ARMC10: variants seen among roughly 807,000 people sequenced by gnomAD.
ARMC10 encodes armadillo repeat-containing protein 10.
In ARMC10, 23 loss-of-function variants were observed where a neutral mutation model predicts 30.2. That is an observed-to-expected ratio of 0.76 (90% CI 0.55 to 1.08). The LOEUF (loss-of-function observed/expected upper bound fraction) is 1.08, where lower values mean the gene tolerates loss of function less well. Ranked by LOEUF, ARMC10 falls within the 50% of genes least tolerant of loss-of-function variation. The pLI is 0.00. For missense variants in ARMC10, 303 were observed against 413.7 expected (o/e 0.73, Z 2.32); for synonymous variants, 111 against 164.4 (o/e 0.68, Z 2.48).
intron 2 of ARMC10, among the ~76,000 whole-genome samples, chr7:103,077,889 C>G (rs1326525684): frequency 6.6e-6 from 1 of 152,210 alleles, no homozygotes; most frequent in Non-Finnish European, 1.5e-5. Flanking sequence ...AAATAATTTG[C>G]TCACAGTCCC....
chr7:103,094,017 ATTTT>A (rs1801563624), intron 5 of ARMC10, among the ~76,000 whole-genome samples: 1 of 152,222 alleles, frequency 6.6e-6, no homozygotes, highest in Non-Finnish European at 1.5e-5. Context: ...TACAACATTG[ATTTT>A]CCATAAAAAT....
rs1799599032 is a variant in ARMC10, at chr7:103,075,312, C to T, written c.40C>T (p.Leu14=). 2 of 1,235,072 alleles carry T rather than the reference C, an allele frequency of 1.6e-6. No homozygotes were observed. Among genetic ancestry groups the T allele is most frequent in the Non-Finnish European group, 2.0e-6 (2 of 989,036 alleles). 76.5% of individuals were successfully genotyped at this position (1,235,072 alleles called of 1,614,324 possible). Residue 14 remains leucine (L), a synonymous_variant, in exon 1 of 7, where the codon CTG becomes TTG. Transcript: ENST00000323716. ...PRGAGWVAAG[L]LLGAGACYCI... ...GGGCGCGGGCTGGGTGGCGGCGGGC[C>T]TGCTGCTCGGCGCGGGCGCCTGCTA...
intron 4 of ARMC10, among the ~76,000 whole-genome samples, chr7:103,088,189 C>T (rs796097236): frequency 9.2e-5 from 14 of 152,248 alleles, no homozygotes; most frequent in African/African-American, 3.4e-4. Context: ...TGCCCTTCCA[C>T]AAGACGTATA....
At chr7:103,096,974 G>C (rs1801809696) in intron 5 of ARMC10, 1 of 372,526 alleles carries the variant, frequency 2.7e-6, no homozygotes, top group South Asian at 7.3e-5. Flanking sequence ...AGTTCTCTAA[G>C]AGTGGTACAA....
chr7:103,076,006 C>A, intron 2 of ARMC10, 125 bp downstream of exon 2: 1 of 580,348 alleles, frequency 1.7e-6, no homozygotes. Context: ...GCATGTTTCA[C>A]ATCATGGAAG....
chr7:103,086,804 TAAATA>T (rs1190080819), intron 4 of ARMC10, 40 bp downstream of exon 4: 3 of 1,583,592 alleles, frequency 1.9e-6, no homozygotes, highest in Non-Finnish European at 2.6e-6. Context: ...AGGTTTTCTA[TAAATA>T]AAAAATAACA....
chr7:103,086,774 C>G lies in ARMC10; in HGVS notation c.528+10C>G. On this transcript the variant is annotated intron_variant, in intron 4 of 6. Coordinates refer to ENST00000323716, the MANE Select transcript of ARMC10 (RefSeq NM_031905.5). ...TCAAATCAAGATAAAGGTAAGTTGACTGAAAATCACAAATGTATAAGGTTT... is the reference window on the plus strand; with the variant it reads ...TCAAATCAAGATAAAGGTAAGTTGAGTGAAAATCACAAATGTATAAGGTTT... 6.3e-7 allele frequency: 1 copy of G among 1,585,902 alleles called. No individual in the cohort carries two copies. Among genetic ancestry groups the G allele is most frequent in the Non-Finnish European group, 8.5e-7 (1 of 1,171,722 alleles).
intron 3 of ARMC10, among the ~76,000 whole-genome samples, chr7:103,084,535 C>G (rs916736419): frequency 6.6e-6 from 1 of 152,126 alleles, no homozygotes; most frequent in African/African-American, 2.4e-5. Flanking sequence ...TGTACTCTTT[C>G]AGTTATAAAT....
At chr7:103,087,216 C>T (rs1800937660) in intron 4 of ARMC10, among the ~76,000 whole-genome samples, 1 of 152,182 alleles carries the variant, frequency 6.6e-6, no homozygotes, top group Admixed American at 6.5e-5. Context: ...ATTAAGTGTA[C>T]TGTATGAGTG....
intron 2 of ARMC10, among the ~76,000 whole-genome samples, chr7:103,076,891 AGTTTT>A (rs1200585883): frequency 1.3e-5 from 2 of 152,110 alleles, no homozygotes; most frequent in African/African-American, 4.8e-5. Flanking sequence ...CAGAAAAAGG[AGTTTT>A]GTTTTGTTTT....
intron 5 of ARMC10, among the ~76,000 whole-genome samples, chr7:103,095,431 T>C (rs1801681269): frequency 1.3e-5 from 2 of 152,246 alleles, no homozygotes; most frequent in Non-Finnish European, 2.9e-5. Context: ...TTTCTGGTTA[T>C]GTAAATACGG....
chr7:103,096,912 GA>G (rs1343539162), intron 5 of ARMC10: 1 of 238,514 alleles, frequency 4.2e-6, no homozygotes, highest in Non-Finnish European at 8.2e-6. Context: ...TTATAATTGG[GA>G]AAAATTAGGT....
At chr7:103,082,329 T>TTG (rs1225189139) in intron 2 of ARMC10, among the ~76,000 whole-genome samples, 19 of 151,562 alleles carry the variant, frequency 1.3e-4, no homozygotes, top group South Asian at 2.1e-4. Context: ...TTATTTATTT[T>TTG]TGTGTGTGTG....
intron 1 of ARMC10, 150 bp from the exon 2 acceptor site, chr7:103,075,627 C>A: frequency 1.2e-6 from 1 of 852,080 alleles, no homozygotes; most frequent in Non-Finnish European, 1.7e-6. Context: ...CTGAGCTCCG[C>A]GTCACAGCGG....
Position 103,098,279 on chromosome 7 carries a change from CTCAT to C in ARMC10, c.778-18_778-15del. The C allele has an allele frequency of 7.1e-7, 1 of 1,415,008 alleles. No homozygotes were observed. The highest frequency in any genetic ancestry group is 9.2e-7 in the Non-Finnish European group (1 of 1,081,500). The allele number at this position is 1,415,008 out of a possible 1,614,324, so 87.7% of individuals were successfully genotyped here. A position where few individuals can be genotyped will look rare whatever the true frequency, so the allele number is the denominator to read the frequency against. On this transcript the variant is annotated splice_polypyrimidine_tract_variant and intron_variant, in intron 6 of 6. Coordinates refer to ENST00000323716, the MANE Select transcript of ARMC10 (RefSeq NM_031905.5). ...CATATATTATTAATATAAAATAATA[CTCAT>C]TGTTTCATATTTCAGGTGGATTCAT...
intron 2 of ARMC10, among the ~76,000 whole-genome samples, chr7:103,079,646 A>G (rs1339829852): frequency 6.6e-6 from 1 of 152,242 alleles, no homozygotes; most frequent in African/African-American, 2.4e-5. Context: ...CAAGAGAATT[A>G]ACTAACTACT....
intron 4 of ARMC10, among the ~76,000 whole-genome samples, chr7:103,090,728 T>TAAAAAA (rs34277044): frequency 1.4e-5 from 2 of 140,906 alleles, no homozygotes; most frequent in African/African-American, 5.5e-5. Context: ...AACCCATTTC[T>TAAAAAA]AAAAAAAAAA....
chr7:103,096,395 C>T (rs1801762944), intron 5 of ARMC10: 1 of 152,112 alleles, frequency 6.6e-6, no homozygotes, highest in African/African-American at 2.4e-5. Context: ...TTGTAAAACA[C>T]TTTCACATTA....
At chr7:103,076,611 C>T (rs1016513378) in intron 2 of ARMC10, among the ~76,000 whole-genome samples, 4 of 152,148 alleles carry the variant, frequency 2.6e-5, no homozygotes, top group Admixed American at 6.5e-5. Flanking sequence ...CCAAGGCAGG[C>T]GGATCATGTG....
Sources: allele counts gnomAD v4.1 joint callset (sites outside exome capture counted in the v4.1 genomes callset), GRCh38; gene constraint gnomAD v4.1.1; transcripts MANE v1.5; gene names NCBI Gene and HGNC (gene_info 2026-07-23, HGNC 2026-07-21).